Variants in RBFOX1 observed in about 807,000 individuals in gnomAD.
The protein encoded by RBFOX1 is RNA binding fox-1 homolog 1, also known as RNA binding protein fox-1 homolog 1.
In RBFOX1, 8 loss-of-function variants were observed where a neutral mutation model predicts 57.7. That is an observed-to-expected ratio of 0.14 (90% CI 0.08 to 0.25). The LOEUF (loss-of-function observed/expected upper bound fraction) is 0.25, where lower values mean the gene tolerates loss of function less well. Among genes scored for constraint, RBFOX1 ranks in the 10% least tolerant of loss-of-function variants. The pLI is 1.00. For missense variants in RBFOX1, 611 were observed against 548.5 expected (o/e 1.11, Z -1.14); for synonymous variants, 326 against 222.4 (o/e 1.47, Z -4.15).
At chr16:6,975,957 C>G (rs1400601646) in intron 3 of RBFOX1, among the ~76,000 whole-genome samples, 1 of 152,002 alleles carries the variant, frequency 6.6e-6, no homozygotes, top group Non-Finnish European at 1.5e-5. Flanking sequence ...GAAACCCCAT[C>G]TGTACTAAAA....
chr16:5,468,679 A>C (rs767283994), intron 2 of RBFOX1, among the ~76,000 whole-genome samples: 1 of 152,258 alleles, frequency 6.6e-6, no homozygotes, highest in Non-Finnish European at 1.5e-5. Context: ...TGGTCTATCC[A>C]TGCAGTGGAA....
chr16:7,132,603 G>T (rs1398722162), intron 4 of RBFOX1, among the ~76,000 whole-genome samples: 1 of 147,378 alleles, frequency 6.8e-6, no homozygotes, highest in Non-Finnish European at 1.5e-5. Context: ...TATTTGTAAA[G>T]CTGAAAAAAA....
intron 2 of RBFOX1, among the ~76,000 whole-genome samples, chr16:6,534,536 C>G (rs973889112): frequency 6.6e-6 from 1 of 152,136 alleles, no homozygotes; most frequent in African/African-American, 2.4e-5. Context: ...GAAAGGACAT[C>G]CTGTTCACAG....
intron 1 of RBFOX1, among the ~76,000 whole-genome samples, chr16:6,239,540 C>T (rs568188770): frequency 3.0e-4 from 39 of 129,368 alleles, no homozygotes; most frequent in African/African-American, 1.1e-3. Flanking sequence ...GCTCTTTCAC[C>T]CAGGCTGGAG....
chr16:6,659,509 G>A (rs915063303), intron 3 of RBFOX1, among the ~76,000 whole-genome samples: 50 of 152,028 alleles, frequency 3.3e-4, no homozygotes, highest in African/African-American at 9.7e-4. Context: ...CAGTTGTGGT[G>A]TGGAAGTACC....
At chr16:6,088,038 A>G (rs2096114894) in intron 1 of RBFOX1, among the ~76,000 whole-genome samples, 2 of 152,116 alleles carry the variant, frequency 1.3e-5, no homozygotes, top group Admixed American at 1.3e-4. Context: ...TATTTTCACA[A>G]TTTCTACAGC....
Position 5,317,407 on chromosome 16 carries a change from A to C in RBFOX1, c.219+77302A>C, listed in dbSNP as rs140032800. On this transcript the variant is annotated intron_variant, in intron 1 of 2. Coordinates refer to the RBFOX1 transcript ENST00000585867. ...GCTGATCACTTGAGGCCAGGGGTTC[A>C]AGCCAGCCTGGCCAACATGGTGAAA... is the stretch of plus-strand genomic sequence containing the variant. Among the ~76,000 whole-genome samples the C allele has an allele frequency of 3.3e-3, 499 of 152,292 alleles. 4 individuals carry two copies. Among genetic ancestry groups the C allele is most frequent in the African/African-American group, 0.011 (477 of 41,566 alleles).
At chr16:6,408,266 T>C (rs1418756247) in intron 2 of RBFOX1, among the ~76,000 whole-genome samples, 4 of 152,072 alleles carry the variant, frequency 2.6e-5, no homozygotes, top group Non-Finnish European at 5.9e-5. Flanking sequence ...TAAAGTGCTG[T>C]TGTTTGAGCT....
chr16:6,597,815 C>T (rs924594638), intron 2 of RBFOX1, among the ~76,000 whole-genome samples: 4 of 152,200 alleles, frequency 2.6e-5, no homozygotes, highest in African/African-American at 9.6e-5. Flanking sequence ...TCTGCACTGA[C>T]AGTTACCTGT....
intron 2 of RBFOX1, among the ~76,000 whole-genome samples, chr16:5,577,260 T>A (rs1325881879): frequency 3.9e-5 from 6 of 152,216 alleles, no homozygotes; most frequent in African/African-American, 1.4e-4. Flanking sequence ...CCGGGTCTGT[T>A]GAGGCTCCTG....
intron 4 of RBFOX1, among the ~76,000 whole-genome samples, chr16:5,955,422 C>T (rs1334602141): frequency 6.7e-6 from 1 of 150,158 alleles, no homozygotes; most frequent in African/African-American, 2.5e-5. Context: ...AAAAGTCTTT[C>T]CTCAGTGCCT....
chr16:7,604,363 C>G (rs572265915), intron 9 of RBFOX1, among the ~76,000 whole-genome samples: 3 of 152,216 alleles, frequency 2.0e-5, no homozygotes, highest in Admixed American at 2.0e-4. Flanking sequence ...CCATGATGAC[C>G]CAAGCATTTC....
intron 1 of RBFOX1, among the ~76,000 whole-genome samples, chr16:5,454,953 TCC>T (rs1491386141): frequency 3.4e-3 from 208 of 60,752 alleles, no homozygotes; most frequent in African/African-American, 0.01. Context: ...CTTCCTTCCT[TCC>T]TTCCTTTCTT....
chr16:7,212,667 G>T (rs2091366473), intron 4 of RBFOX1, among the ~76,000 whole-genome samples: 2 of 152,140 alleles, frequency 1.3e-5, no homozygotes, highest in Non-Finnish European at 2.9e-5. Context: ...AATATTTGAG[G>T]AGTGTAGTTA....
intron 3 of RBFOX1, among the ~76,000 whole-genome samples, chr16:6,806,266 T>G (rs1453265008): frequency 2.6e-5 from 4 of 152,196 alleles, no homozygotes; most frequent in African/African-American, 9.6e-5. Context: ...GAAGTACTTT[T>G]CCTTCCTGAA....
chr16:6,458,069 A>T (rs574390852), intron 2 of RBFOX1, among the ~76,000 whole-genome samples: 5 of 152,320 alleles, frequency 3.3e-5, no homozygotes, highest in African/African-American at 1.2e-4. Flanking sequence ...AAATGAAGAT[A>T]TTGAAGCTGA....
At chr16:5,282,354 C>T (rs1229534562) in intron 1 of RBFOX1, among the ~76,000 whole-genome samples, 2 of 152,098 alleles carry the variant, frequency 1.3e-5, no homozygotes, top group Non-Finnish European at 2.9e-5. Flanking sequence ...AAATTGGTAC[C>T]AGAAGTGGGG....
chr16:5,419,824 T>A (rs1349371083), intron 1 of RBFOX1, among the ~76,000 whole-genome samples: 1 of 151,828 alleles, frequency 6.6e-6, no homozygotes, highest in Non-Finnish European at 1.5e-5. Context: ...CTGCTGTGGT[T>A]TGAAGATGGA....
At chr16:6,410,386 A>G (rs2093421384) in intron 2 of RBFOX1, among the ~76,000 whole-genome samples, 1 of 137,144 alleles carries the variant, frequency 7.3e-6, no homozygotes, top group Non-Finnish European at 1.5e-5. Flanking sequence ...AACTTGACTC[A>G]CTGCAAGCTC....
Sources: allele counts gnomAD v4.1 joint callset (sites outside exome capture counted in the v4.1 genomes callset), GRCh38; gene constraint gnomAD v4.1.1; transcripts MANE v1.5; gene names NCBI Gene and HGNC (gene_info 2026-07-23, HGNC 2026-07-21).